The following GNAQ variants were observed in gnomAD, a reference collection of about 807,000 sequenced individuals.
GNAQ encodes the protein guanine nucleotide-binding protein G(q) subunit alpha.
A neutral mutation model predicts 43.9 loss-of-function variants in GNAQ; 8 were observed. The ratio of observed to expected loss-of-function variants is 0.18; its 90% CI spans 0.11 to 0.33. The LOEUF (loss-of-function observed/expected upper bound fraction) is 0.33, where lower values mean the gene tolerates loss of function less well. GNAQ is among the 10% of genes least tolerant of loss of function. The pLI is 1.00. For missense variants in GNAQ, 158 were observed against 450.8 expected (o/e 0.35, Z 5.88); for synonymous variants, 155 against 170.7 (o/e 0.91, Z 0.71).
chr9:77,990,307 G>A (rs1473391699), intron 1 of GNAQ, among the ~76,000 whole-genome samples: 1 of 152,108 alleles, frequency 6.6e-6, no homozygotes, highest in Non-Finnish European at 1.5e-5. Context: ...TAGCAACCTT[G>A]AACTCCTGGG....
intron 2 of GNAQ, among the ~76,000 whole-genome samples, chr9:77,841,088 A>AC (rs202191008): frequency 0.012 from 1,844 of 152,284 alleles, 30 homozygotes; most frequent in African/African-American, 0.042. Flanking sequence ...TCATGTTAAA[A>AC]AAACAAACAA....
At chr9:77,899,714 G>A (rs1448052744) in intron 2 of GNAQ, among the ~76,000 whole-genome samples, 1 of 152,130 alleles carries the variant, frequency 6.6e-6, no homozygotes, top group Non-Finnish European at 1.5e-5. Context: ...AAAGACAGCA[G>A]AGGTCAGAGG....
At chr9:77,923,722 C>T (rs1309193390) in intron 1 of GNAQ, among the ~76,000 whole-genome samples, 2 of 151,618 alleles carry the variant, frequency 1.3e-5, no homozygotes, top group Non-Finnish European at 2.9e-5. Flanking sequence ...ATGTCCCTAT[C>T]ATCAGGGTCC....
chr9:77,949,083 A>C (rs1258615653), intron 1 of GNAQ, among the ~76,000 whole-genome samples: 3 of 152,194 alleles, frequency 2.0e-5, no homozygotes, highest in African/African-American at 7.2e-5. Context: ...AGGATAACAG[A>C]CAGAAAATTC....
chr9:77,882,282 A>C (rs946987991), intron 2 of GNAQ, among the ~76,000 whole-genome samples: 6 of 152,206 alleles, frequency 3.9e-5, no homozygotes, highest in African/African-American at 1.4e-4. Flanking sequence ...AAACATAGGA[A>C]AAGTGGTAAA....
chr9:77,963,119 G>C (rs1312713802), intron 1 of GNAQ, among the ~76,000 whole-genome samples: 3 of 152,088 alleles, frequency 2.0e-5, no homozygotes, highest in Non-Finnish European at 2.9e-5. Flanking sequence ...CAAATTTATA[G>C]TGAAACTCAC....
chr9:77,844,679 T>A (rs574517061), intron 2 of GNAQ, among the ~76,000 whole-genome samples: 1 of 152,308 alleles, frequency 6.6e-6, no homozygotes, highest in South Asian at 2.1e-4. Flanking sequence ...TTTATTTTGT[T>A]ATTTTTTTTT....
intron 2 of GNAQ, among the ~76,000 whole-genome samples, chr9:77,915,878 T>C (rs1266469664): frequency 6.6e-6 from 1 of 152,214 alleles, no homozygotes; most frequent in African/African-American, 2.4e-5. Flanking sequence ...ATTTTTGCAG[T>C]GAAGATGTGT....
At chr9:77,778,693 C>A (rs1475731118) in intron 5 of GNAQ, among the ~76,000 whole-genome samples, 4 of 151,744 alleles carry the variant, frequency 2.6e-5, no homozygotes. Context: ...AATAAACCCA[C>A]TTTAACATAA....
chr9:77,794,614 T>C (rs2118444777), intron 4 of GNAQ, 22 bp from the exon 5 acceptor site: 1 of 1,517,596 alleles, frequency 6.6e-7, no homozygotes, highest in Non-Finnish European at 9.0e-7. Context: ...ACAATACTCA[T>C]ATTAATAACA....
At chr9:77,792,338 C>T (rs576113780) in intron 5 of GNAQ, among the ~76,000 whole-genome samples, 5 of 152,206 alleles carry the variant, frequency 3.3e-5, no homozygotes, top group Non-Finnish European at 5.9e-5. Context: ...TAAGACATCA[C>T]CACAGGAATC....
intron 2 of GNAQ, among the ~76,000 whole-genome samples, chr9:77,871,370 T>G (rs1355521076): frequency 6.6e-6 from 1 of 152,166 alleles, no homozygotes; most frequent in Non-Finnish European, 1.5e-5. Flanking sequence ...AGAGTAGCCA[T>G]CCCAGGAGTC....
chr9:77,815,782 A>C lies in GNAQ; in HGVS notation c.322-12T>G, dbSNP rs757315280. 1 of 1,602,778 alleles carries C rather than the reference A, an allele frequency of 6.2e-7. No individual in the cohort carries two copies. The highest frequency in any genetic ancestry group is 1.3e-5 in the African/African-American group (1 of 74,406). On this transcript the variant is annotated splice_polypyrimidine_tract_variant and intron_variant, in intron 2 of 6. Coordinates refer to ENST00000286548, the MANE Select transcript of GNAQ (RefSeq NM_002072.5). ...AATTGTGCATGAGCCTGTTTAAATA[A>C]AAAAAGGCAGTTTTAATACCCTATT...
intron 2 of GNAQ, among the ~76,000 whole-genome samples, chr9:77,826,624 A>G (rs1415261437): frequency 6.6e-6 from 1 of 152,208 alleles, no homozygotes; most frequent in Non-Finnish European, 1.5e-5. Flanking sequence ...ATAAGGGCCT[A>G]CGGCTTTGGA....
intron 2 of GNAQ, among the ~76,000 whole-genome samples, chr9:77,873,045 G>A (rs564542707): frequency 6.6e-6 from 1 of 152,332 alleles, no homozygotes; most frequent in Middle Eastern, 3.4e-3. Flanking sequence ...TCGCTGGAAA[G>A]AGAATGTATT....
At chr9:77,795,869 T>C (rs954164971) in intron 4 of GNAQ, among the ~76,000 whole-genome samples, 8 of 152,316 alleles carry the variant, frequency 5.3e-5, no homozygotes, top group Admixed American at 2.6e-4. Flanking sequence ...TTTACTGTAG[T>C]GGCAAAAAAT....
At chr9:77,832,635 T>C (rs1034412128) in intron 2 of GNAQ, among the ~76,000 whole-genome samples, 8 of 152,208 alleles carry the variant, frequency 5.3e-5, no homozygotes, top group African/African-American at 1.9e-4. Context: ...CCCCTTCTCA[T>C]TAAGGTTAAC....
intron 1 of GNAQ, among the ~76,000 whole-genome samples, chr9:77,952,621 T>A (rs1182720685): frequency 1.3e-5 from 2 of 152,326 alleles, no homozygotes. Context: ...TTAGCTTTCA[T>A]CAAGTTACTC....
chr9:77,738,801 G>A (rs1439024983), intron 5 of GNAQ, among the ~76,000 whole-genome samples: 1 of 152,036 alleles, frequency 6.6e-6, no homozygotes, highest in Non-Finnish European at 1.5e-5. Context: ...CTATATTAGT[G>A]CAGTTTTAAA....
Sources: gnomAD v4.1 joint callset for allele counts (sites outside exome capture counted in the v4.1 genomes callset) on GRCh38, gnomAD v4.1.1 for gene constraint, MANE v1.5 for transcripts, NCBI Gene and HGNC (gene_info 2026-07-23, HGNC 2026-07-21) for gene names.